Variants in C10orf143 observed in about 807,000 individuals in gnomAD.
C10orf143 encodes uncharacterized protein C10orf143.
intron 3 of C10orf143, among the ~76,000 whole-genome samples, chr10:130,077,815 T>C (rs1283614604): frequency 6.6e-6 from 1 of 152,254 alleles, no homozygotes; most frequent in Non-Finnish European, 1.5e-5. Context: ...GAAGAAGATA[T>C]ATGCAGCTAT....
At chr10:130,094,919 A>G (rs1181523345) in intron 1 of C10orf143, among the ~76,000 whole-genome samples, 1 of 152,204 alleles carries the variant, frequency 6.6e-6, no homozygotes, top group Non-Finnish European at 1.5e-5. Context: ...TCAAATAGGA[A>G]GAGAGGAAGT....
intron 3 of C10orf143, among the ~76,000 whole-genome samples, chr10:130,040,905 A>G (rs56394433): frequency 0.15 from 22,344 of 151,758 alleles, 1,918 homozygotes; most frequent in Admixed American, 0.2. Flanking sequence ...AAGGGACATG[A>G]GGCTTCAGGA....
intron 3 of C10orf143, among the ~76,000 whole-genome samples, chr10:130,071,666 T>G (rs1029954932): frequency 1.3e-5 from 2 of 152,202 alleles, no homozygotes; most frequent in Non-Finnish European, 2.9e-5. Context: ...TCACTCTTGT[T>G]GCCCAGGCTG....
At chr10:130,059,598 T>G (rs1056384218), downstream of C10orf143, among the ~76,000 whole-genome samples, 1 of 152,126 alleles carries the variant, frequency 6.6e-6, no homozygotes, top group African/African-American at 2.4e-5. Context: ...AAAATCTAAA[T>G]AGAATCCACT....
chr10:130,073,145 T>C (rs1861058867), intron 3 of C10orf143, among the ~76,000 whole-genome samples: 1 of 152,230 alleles, frequency 6.6e-6, no homozygotes, highest in Admixed American at 6.5e-5. Flanking sequence ...TAGTGTGATC[T>C]TATCCTCCGT....
intron 1 of C10orf143, among the ~76,000 whole-genome samples, chr10:130,099,610 C>A (rs1264766334): frequency 2.6e-5 from 4 of 151,888 alleles, no homozygotes; most frequent in Non-Finnish European, 5.9e-5. Flanking sequence ...GATCTCGGCT[C>A]AGTGCAACCT....
intron 1 of C10orf143, among the ~76,000 whole-genome samples, chr10:130,089,197 A>G (rs1396206251): frequency 6.6e-6 from 1 of 152,186 alleles, no homozygotes; most frequent in African/African-American, 2.4e-5. Flanking sequence ...AAAGACATAA[A>G]TGAACACATT....
rs544949540 is a variant in C10orf143 at position 130,082,185 on chromosome 10, T to TA, written c.70-2285_70-2284insT. ...TTTATACATACATATATGATCTTCT[T>TA]TTTTTTTTTAGAGATGAGGTCTCAC... On this transcript the variant is annotated intron_variant, in intron 1 of 3. Coordinates refer to ENST00000637128, the MANE Select transcript of C10orf143 (RefSeq NM_001355042.2). Among the ~76,000 whole-genome samples, 225 of 148,876 alleles carry TA rather than the reference T, an allele frequency of 1.5e-3. 1 individual carries two copies. The highest frequency in any genetic ancestry group is 6.9e-3 in the Middle Eastern group (2 of 290).
At chr10:130,035,637 T>C (rs1860536915) in intron 4 of C10orf143, among the ~76,000 whole-genome samples, 1 of 150,094 alleles carries the variant, frequency 6.7e-6, no homozygotes, top group Admixed American at 6.8e-5. Flanking sequence ...TTATCCTCCC[T>C]ATCCTCTAGG....
chr10:130,100,531 T>A (rs976302884), intron 1 of C10orf143, among the ~76,000 whole-genome samples: 4 of 151,938 alleles, frequency 2.6e-5, no homozygotes, highest in Admixed American at 1.3e-4. Context: ...AAACAAAAAC[T>A]GCCAAAGAAC....
At chr10:130,094,206 A>G (rs1216027256) in intron 1 of C10orf143, among the ~76,000 whole-genome samples, 1 of 152,122 alleles carries the variant, frequency 6.6e-6, no homozygotes, top group Non-Finnish European at 1.5e-5. Context: ...TAGACCAATA[A>G]CAAGTTCTGA....
intron 3 of C10orf143, among the ~76,000 whole-genome samples, chr10:130,071,032 C>T (rs1861024336): frequency 6.6e-6 from 1 of 152,206 alleles, no homozygotes; most frequent in South Asian, 2.1e-4. Flanking sequence ...TCTCTTGCCT[C>T]AGCCTCCTGA....
intron 3 of C10orf143, chr10:130,068,608 T>C (rs770081746): frequency 9.6e-5 from 2 of 20,808 alleles, no homozygotes; most frequent in South Asian, 1.1e-3. Flanking sequence ...CAAAACTCCA[T>C]CTCAAAAAAA....
intron 3 of C10orf143, among the ~76,000 whole-genome samples, chr10:130,045,746 G>C (rs982751209): frequency 2.0e-5 from 3 of 152,224 alleles, no homozygotes; most frequent in African/African-American, 7.2e-5. Flanking sequence ...CGCCACGCGG[G>C]CGGGAAAACG....
At chr10:130,053,773 A>G (rs185589009) in intron 3 of C10orf143, among the ~76,000 whole-genome samples, 106 of 152,354 alleles carry the variant, frequency 7.0e-4, no homozygotes, top group South Asian at 1.9e-3. Context: ...ATCTGGAAAG[A>G]CAAGGAAGCT....
intron 3 of C10orf143, among the ~76,000 whole-genome samples, chr10:130,074,282 AG>A (rs1185707827): frequency 6.6e-6 from 1 of 152,220 alleles, no homozygotes; most frequent in African/African-American, 2.4e-5. Flanking sequence ...GTAAATTGAC[AG>A]GGTTAGACCA....
At chr10:130,036,400 G>T (rs945388100) in intron 3 of C10orf143, among the ~76,000 whole-genome samples, 2 of 152,184 alleles carry the variant, frequency 1.3e-5, no homozygotes, top group African/African-American at 4.8e-5. Flanking sequence ...CCAGGCAGCT[G>T]CCATGCTGGC....
In C10orf143 at chr10:130,106,695, A is replaced by C. The variant is rs775913557; in HGVS notation, c.69+4009T>G. On this transcript the variant is annotated intron_variant, in intron 1 of 3. Coordinates refer to ENST00000637128, the MANE Select transcript of C10orf143 (RefSeq NM_001355042.2). The stretch of plus-strand genomic sequence containing the variant: ...AAAGATGCTTTGAATGAAAACTCTC[A>C]CCTTCAGGAAAGCCAGAAACAGCTT... 2.4e-6 allele frequency: 3 copies of C among 1,228,378 alleles called. No individual in the cohort carries two copies. In the South Asian group the frequency reaches 3.6e-5, roughly 15 times the overall value. 76.1% of individuals were successfully genotyped at this position (1,228,378 alleles called of 1,614,324 possible). A position where few individuals can be genotyped will look rare whatever the true frequency, so the allele number is the denominator to read the frequency against.
chr10:130,039,915 C>T (rs1261643011), intron 3 of C10orf143, among the ~76,000 whole-genome samples: 1 of 152,196 alleles, frequency 6.6e-6, no homozygotes. Flanking sequence ...TGGCAAATCA[C>T]ACAGCAATGT....
Sources: allele counts gnomAD v4.1 joint callset (sites outside exome capture counted in the v4.1 genomes callset), GRCh38; gene constraint gnomAD v4.1.1; transcripts MANE v1.5; gene names NCBI Gene and HGNC (gene_info 2026-07-23, HGNC 2026-07-21).